The following TSHZ3 variants were observed in gnomAD, a reference collection of about 807,000 sequenced individuals.
The protein encoded by TSHZ3 is teashirt zinc finger homeobox 3.
TSHZ3 carries 10 observed loss-of-function variants against 64.5 expected under a neutral mutation model. The ratio of observed to expected loss-of-function variants is 0.16; its 90% CI spans 0.10 to 0.26. The LOEUF (loss-of-function observed/expected upper bound fraction) is 0.26. Ranked by LOEUF, TSHZ3 falls within the 10% of genes least tolerant of loss-of-function variation. The pLI is 1.00. For synonymous variants in TSHZ3, 608 were observed against 593.1 expected (o/e 1.03, Z -0.36); for missense variants, 1,242 against 1,421.7 (o/e 0.87, Z 2.03).
rs368556465 is a variant in TSHZ3 at position 31,326,503 on chromosome 19, C to T, written c.40+22677G>A. Among the ~76,000 whole-genome samples, 19 of 152,368 alleles carry T rather than the reference C, an allele frequency of 1.2e-4. No individual in the cohort carries two copies. In the East Asian group the frequency reaches 1.5e-3, roughly 12 times the overall value. On this transcript the variant is annotated intron_variant, in intron 1 of 1. Transcript: ENST00000240587. ...TGGCGCGTGTGTGTGCATGTGCACACGTGCCTGCGTGTGTCTGTGTGTGCA... is the reference window on the plus strand; with the variant it reads ...TGGCGCGTGTGTGTGCATGTGCACATGTGCCTGCGTGTGTCTGTGTGTGCA...
At chr19:31,199,400 CA>C (rs61428496) in intron 5 of TSHZ3, among the ~76,000 whole-genome samples, 72 of 98,540 alleles carry the variant, frequency 7.3e-4, no homozygotes, top group Admixed American at 2.7e-3. Flanking sequence ...GAGACTCCGC[CA>C]AAAAAAAAAA....
intron 1 of TSHZ3, among the ~76,000 whole-genome samples, chr19:31,334,363 A>C (rs752792625): frequency 8.5e-5 from 13 of 152,238 alleles, no homozygotes; most frequent in Non-Finnish European, 2.9e-5. Flanking sequence ...AAAACCACTG[A>C]TAACCCATCT....
intron 1 of TSHZ3, among the ~76,000 whole-genome samples, chr19:31,284,535 C>T (rs1457267276): frequency 1.3e-5 from 2 of 152,176 alleles, no homozygotes; most frequent in Non-Finnish European, 2.9e-5. Flanking sequence ...CCCCTCCAGC[C>T]CCTCTCAGCT....
At chr19:31,228,123 C>T (rs1387127608) in exon 4 of TSHZ3, among the ~76,000 whole-genome samples, 1 of 152,152 alleles carries the variant, frequency 6.6e-6, no homozygotes, top group East Asian at 1.9e-4. Flanking sequence ...GTGCACAAGG[C>T]CATGCTTCAC....
At chr19:31,253,946 T>C (rs1032077704) in intron 1 of TSHZ3, among the ~76,000 whole-genome samples, 1 of 152,092 alleles carries the variant, frequency 6.6e-6, no homozygotes, top group Non-Finnish European at 1.5e-5. Flanking sequence ...CATCCAGCTG[T>C]CAAAGGCTGT....
intron 5 of TSHZ3, chr19:31,167,883 G>A (rs551175802): frequency 6.6e-6 from 1 of 151,970 alleles, no homozygotes; most frequent in Non-Finnish European, 1.5e-5. Context: ...TTTAGAACAC[G>A]CAGAGGCGTT....
intron 3 of TSHZ3, among the ~76,000 whole-genome samples, chr19:31,238,251 G>A (rs1217393073): frequency 2.0e-5 from 3 of 147,030 alleles, no homozygotes; most frequent in South Asian, 2.1e-4. Flanking sequence ...TGTTTCCTTC[G>A]TGAATTTTTT....
chr19:31,164,672 G>A (rs1283705850), intron 5 of TSHZ3, among the ~76,000 whole-genome samples: 1 of 152,124 alleles, frequency 6.6e-6, no homozygotes, highest in Non-Finnish European at 1.5e-5. Context: ...AATGATGGGC[G>A]AGTGAGCCAG....
chr19:31,235,606 TTCTTTCTTTCC>T (rs1231135806), intron 3 of TSHZ3, among the ~76,000 whole-genome samples: 2 of 147,468 alleles, frequency 1.4e-5, no homozygotes, highest in Non-Finnish European at 3.0e-5. Flanking sequence ...TTTTCTTTCT[TTCTTTCTTTCC>T]TCTTTCTTTC....
intron 1 of TSHZ3, among the ~76,000 whole-genome samples, chr19:31,289,337 G>A (rs1976521150): frequency 6.6e-6 from 1 of 152,190 alleles, no homozygotes; most frequent in Non-Finnish European, 1.5e-5. Flanking sequence ...AGCTCCCACT[G>A]GGGCTTGGGT....
chr19:31,308,668 C>T, intron 1 of TSHZ3: 1 of 398,618 alleles, frequency 2.5e-6, no homozygotes, highest in East Asian at 3.6e-5. Context: ...ACGTTCTCCA[C>T]CCACCACGTG....
intron 4 of TSHZ3, among the ~76,000 whole-genome samples, chr19:31,217,446 A>C (rs919113704): frequency 2.0e-5 from 3 of 152,240 alleles, no homozygotes; most frequent in South Asian, 2.1e-4. Context: ...ATTTTAAGAA[A>C]AGGGAGGTCG....
chr19:31,262,382 C>A (rs1050286842), intron 1 of TSHZ3, among the ~76,000 whole-genome samples: 2 of 152,176 alleles, frequency 1.3e-5, no homozygotes, highest in Non-Finnish European at 2.9e-5. Context: ...AATGTGATTT[C>A]ACGAGCTGGG....
chr19:31,344,415 G>A (rs961305498), intron 1 of TSHZ3, among the ~76,000 whole-genome samples: 47 of 152,222 alleles, frequency 3.1e-4, no homozygotes, highest in African/African-American at 1.1e-3. Context: ...TTTACGACAT[G>A]ACCAAAGCTA....
At chr19:31,266,142 T>TC (rs1555731307) in intron 1 of TSHZ3, among the ~76,000 whole-genome samples, 1 of 152,062 alleles carries the variant, frequency 6.6e-6, no homozygotes, top group Admixed American at 6.6e-5. Flanking sequence ...GGAGCCCATG[T>TC]CCCCCTACAC....
rs188863482 is a variant in TSHZ3, at chr19:31,199,268, G to A, written n.809+5688C>T. Among the ~76,000 whole-genome samples the A allele has an allele frequency of 3.3e-4, 50 of 151,858 alleles. No individual in the cohort carries two copies. In the East Asian group the frequency reaches 9.1e-3, roughly 28 times the overall value. On this transcript the variant is annotated intron_variant and non_coding_transcript_variant, in intron 5 of 6. Transcript: ENST00000651361. Reference sequence around the variant, plus strand: ...AAAATACAAAAATTAGCTGGGCATCGTGGCGGGCGCCTGTAGTCCCAGCTA... The same window carrying A: ...AAAATACAAAAATTAGCTGGGCATCATGGCGGGCGCCTGTAGTCCCAGCTA...
chr19:31,330,402 T>C (rs73927354), intron 1 of TSHZ3, among the ~76,000 whole-genome samples: 3,156 of 152,302 alleles, frequency 0.021, 109 homozygotes, highest in African/African-American at 0.071. Flanking sequence ...TCCGGGCTGC[T>C]TGGCCGTACC....
intron 1 of TSHZ3, among the ~76,000 whole-genome samples, chr19:31,243,767 C>T (rs927535223): frequency 5.3e-5 from 8 of 152,080 alleles, no homozygotes; most frequent in African/African-American, 1.4e-4. Context: ...GAGCTGGGTC[C>T]CCTCTCTGTG....
At position 31,331,483 on chromosome 19, in the gene TSHZ3, C is replaced by T. The variant is rs553418551; in HGVS notation, c.40+17697G>A. 2.0e-5 allele frequency among the ~76,000 whole-genome samples: 3 copies of T among 152,228 alleles called. No individual in the cohort carries two copies. In the East Asian group the frequency reaches 5.8e-4, roughly 29 times the overall value. ...ATACAACCACCAAAACAATCACGGT[C>T]CTACTGGTACCAGCAGATGTGGCCG... On this transcript the variant is annotated intron_variant, in intron 1 of 1. Transcript: ENST00000240587.
Sources: gnomAD v4.1 joint callset for allele counts (sites outside exome capture counted in the v4.1 genomes callset) on GRCh38, gnomAD v4.1.1 for gene constraint, MANE v1.5 for transcripts, NCBI Gene and HGNC (gene_info 2026-07-23, HGNC 2026-07-21) for gene names.